The following CDYL2 variants were observed in gnomAD, a reference collection of about 807,000 sequenced individuals.
CDYL2 encodes the protein chromodomain Y-like protein 2.
Under a neutral mutation model 49.4 loss-of-function variants are expected in CDYL2, and 23 were observed. The ratio of observed to expected loss-of-function variants is 0.47; its 90% CI spans 0.34 to 0.66. The LOEUF (loss-of-function observed/expected upper bound fraction) is 0.66. CDYL2 is among the 30% of genes least tolerant of loss of function. The pLI, the probability that CDYL2 is intolerant of heterozygous loss-of-function variation, is 0.01. For missense variants in CDYL2, 678 were observed against 656.4 expected, an observed-to-expected ratio of 1.03 and a Z score of -0.36; for synonymous variants, 360 against 268.8, an observed-to-expected ratio of 1.34 and a Z score of -3.32.
At chr16:80,737,861 GGTTGTT>G (rs572427898) in intron 1 of CDYL2, among the ~76,000 whole-genome samples, 1 of 152,090 alleles carries the variant, frequency 6.6e-6, no homozygotes, top group Non-Finnish European at 1.5e-5. Context: ...TTTAGGGACT[GGTTGTT>G]GTTGTTGTTG....
chr16:80,790,026 T>C (rs1907559591), intron 1 of CDYL2, among the ~76,000 whole-genome samples: 1 of 152,154 alleles, frequency 6.6e-6, no homozygotes, highest in Admixed American at 6.5e-5. Flanking sequence ...TGTAACAAAC[T>C]AGCACATGTA....
chr16:80,687,445 T>TA (rs1314838282), intron 1 of CDYL2, among the ~76,000 whole-genome samples: 2 of 151,554 alleles, frequency 1.3e-5, no homozygotes, highest in Non-Finnish European at 2.9e-5. Flanking sequence ...TGGTGGGATG[T>TA]ATGGGTGACT....
At chr16:80,615,093 A>G (rs1460118757) in intron 4 of CDYL2, among the ~76,000 whole-genome samples, 5 of 152,154 alleles carry the variant, frequency 3.3e-5, no homozygotes, top group Admixed American at 2.6e-4. Flanking sequence ...GAGGCATCAC[A>G]TTCCCTAAGA....
At position 80,608,239 on chromosome 16, in the gene CDYL2, A is replaced by G. The variant is rs953985177; in HGVS notation, c.1219-4T>C. The G allele has an allele frequency of 1.3e-6, 2 of 1,562,316 alleles. No individual in the cohort carries two copies. The highest frequency in any genetic ancestry group is 2.7e-5 in the African/African-American group (2 of 73,706). On this transcript the variant is annotated splice_polypyrimidine_tract_variant and splice_region_variant and intron_variant, in intron 5 of 6. Coordinates refer to ENST00000570137, the MANE Select transcript of CDYL2 (RefSeq NM_152342.4). ...CACAGAACAGCATCTCATTGGCCTG[A>G]AAAAGCAAAAGCAGGCAAAGACTGA...
At chr16:80,630,929 T>C (rs1452283719) in intron 3 of CDYL2, among the ~76,000 whole-genome samples, 3 of 151,778 alleles carry the variant, frequency 2.0e-5, no homozygotes, top group Non-Finnish European at 4.4e-5. Flanking sequence ...ATTATCCCGA[T>C]GTGAGTGAGT....
chr16:80,787,875 G>T (rs1341307654), intron 1 of CDYL2, among the ~76,000 whole-genome samples: 1 of 152,078 alleles, frequency 6.6e-6, no homozygotes, highest in Non-Finnish European at 1.5e-5. Flanking sequence ...ATTTTTTAAT[G>T]CCAAGCATGC....
At chr16:80,642,239 T>G (rs893529416) in intron 2 of CDYL2, among the ~76,000 whole-genome samples, 11 of 152,072 alleles carry the variant, frequency 7.2e-5, no homozygotes, top group Non-Finnish European at 1.2e-4. Context: ...GGTCAGGAGT[T>G]CGTGACCAGA....
intron 1 of CDYL2, among the ~76,000 whole-genome samples, chr16:80,702,322 C>T (rs762349270): frequency 7.2e-5 from 11 of 151,776 alleles, no homozygotes; most frequent in Non-Finnish European, 1.3e-4. Flanking sequence ...CAGAAAAGCA[C>T]GTTCTGCACA....
chr16:80,700,028 T>C (rs1904292823), intron 1 of CDYL2, among the ~76,000 whole-genome samples: 1 of 152,204 alleles, frequency 6.6e-6, no homozygotes, highest in African/African-American at 2.4e-5. Flanking sequence ...CAACCACGCC[T>C]GGCTGATTTT....
intron 1 of CDYL2, among the ~76,000 whole-genome samples, chr16:80,765,199 A>G (rs933174409): frequency 4.1e-5 from 6 of 147,492 alleles, no homozygotes; most frequent in African/African-American, 1.2e-4. Context: ...CTGGTTATAT[A>G]CCAAAAAAGC....
rs995444720 is a variant in CDYL2, at chr16:80,603,914, C to G, written c.*474G>C. The G allele has an allele frequency of 2.5e-5, 4 of 160,842 alleles. No individual in the cohort carries two copies. The highest frequency in any genetic ancestry group is 9.6e-5 in the African/African-American group (4 of 41,670). 10.0% of individuals were successfully genotyped at this position (160,842 alleles called of 1,614,324 possible). On this transcript the variant is annotated 3_prime_UTR_variant, in exon 7 of 7. Transcript: ENST00000570137. ...AAAGGAGACTGAGGCCAGGTGTGCACAATCATTTTGCTCATTGGTCTGGAA... is the reference window on the plus strand; with the variant it reads ...AAAGGAGACTGAGGCCAGGTGTGCAGAATCATTTTGCTCATTGGTCTGGAA...
intron 2 of CDYL2, among the ~76,000 whole-genome samples, chr16:80,682,704 G>A (rs963550841): frequency 3.9e-5 from 6 of 152,068 alleles, no homozygotes; most frequent in Non-Finnish European, 5.9e-5. Context: ...GCACCCAAAG[G>A]GCCACAAAAT....
intron 3 of CDYL2, among the ~76,000 whole-genome samples, chr16:80,629,649 G>A (rs1365725716): frequency 6.6e-6 from 1 of 152,190 alleles, no homozygotes; most frequent in Non-Finnish European, 1.5e-5. Context: ...ATCCCAGACA[G>A]GAGAAATATT....
intron 1 of CDYL2, among the ~76,000 whole-genome samples, chr16:80,723,770 T>C (rs187414515): frequency 6.6e-6 from 1 of 152,112 alleles, no homozygotes; most frequent in African/African-American, 2.4e-5. Flanking sequence ...CCAAATGACC[T>C]GAAAAATTGA....
chr16:80,707,763 T>A (rs117242282), intron 1 of CDYL2, among the ~76,000 whole-genome samples: 1 of 152,142 alleles, frequency 6.6e-6, no homozygotes, highest in African/African-American at 2.4e-5. Flanking sequence ...AGAGGCAGCC[T>A]CATAAGTGAG....
At chr16:80,797,111 ACT>A (rs1003389284) in intron 1 of CDYL2, among the ~76,000 whole-genome samples, 1 of 151,988 alleles carries the variant, frequency 6.6e-6, no homozygotes, top group Non-Finnish European at 1.5e-5. Flanking sequence ...ATGTTTACAC[ACT>A]GTTTTTTGGC....
At chr16:80,677,486 C>A (rs1030847983) in intron 2 of CDYL2, among the ~76,000 whole-genome samples, 1 of 152,114 alleles carries the variant, frequency 6.6e-6, no homozygotes, top group Non-Finnish European at 1.5e-5. Context: ...CGCCTGGAAT[C>A]CCAGCACTTT....
At chr16:80,656,816 G>A (rs1033763330) in intron 2 of CDYL2, among the ~76,000 whole-genome samples, 13 of 152,260 alleles carry the variant, frequency 8.5e-5, no homozygotes, top group African/African-American at 2.4e-4. Context: ...GGGTGGGAGA[G>A]GGGAGGGAAG....
intron 1 of CDYL2, among the ~76,000 whole-genome samples, chr16:80,705,991 C>T (rs1904391848): frequency 6.6e-6 from 1 of 152,202 alleles, no homozygotes; most frequent in South Asian, 2.1e-4. Context: ...ATGCTGGACA[C>T]TCCAAGGCAG....
Sources: gnomAD v4.1 joint callset for allele counts (sites outside exome capture counted in the v4.1 genomes callset) on GRCh38, gnomAD v4.1.1 for gene constraint, MANE v1.5 for transcripts, NCBI Gene and HGNC (gene_info 2026-07-23, HGNC 2026-07-21) for gene names.